SNX3: variants seen among roughly 807,000 people sequenced by gnomAD.
SNX3 encodes sorting nexin 3.
In SNX3, 5 loss-of-function variants were observed where a neutral mutation model predicts 17.7. The observed-to-expected ratio is 0.28, with a 90% CI of 0.15 to 0.59. The LOEUF (loss-of-function observed/expected upper bound fraction) is 0.59, where lower values mean the gene tolerates loss of function less well. Among genes scored for constraint, SNX3 ranks in the 20% least tolerant of loss-of-function variants. The pLI, the probability that SNX3 is intolerant of heterozygous loss-of-function variation, is 0.88. For synonymous variants in SNX3, 91 were observed against 76.5 expected (o/e 1.19, Z -0.99); for missense variants, 132 against 206.8 (o/e 0.64, Z 2.22).
chr6:108,259,977 A>G (rs183324749), intron 1 of SNX3, among the ~76,000 whole-genome samples: 4 of 152,254 alleles, frequency 2.6e-5, no homozygotes, highest in African/African-American at 9.6e-5. Flanking sequence ...TTCAATTAAC[A>G]TCTTTCAAAT....
At position 108,212,197 on chromosome 6, in the gene SNX3, A is replaced by T. The variant is rs1329747778; in HGVS notation, c.441T>A (p.Asp147Glu). The T allele has an allele frequency of 1.9e-6, 3 of 1,611,076 alleles. No individual in the cohort carries two copies. The East Asian group carries it at 6.7e-5, about 36-fold the overall frequency. ...GAGTATAGCTTTTATCTATTATTTC[A>T]TCTTGTAAAAACATGTGAAGACAAC... ...NERCLHMFLQ[D>E]EIIDKSYTPS... Residue 147 changes from aspartate (D) to glutamate (E), a missense_variant, in exon 4 of 4, where the codon GAT becomes GAA. Around this residue, in one of 2 missense-constraint regions of SNX3, gnomAD observed 54 missense variants for 118.0 expected, o/e 0.46. Transcript: ENST00000230085.
At chr6:108,240,214 G>C (rs1307227018) in intron 1 of SNX3, among the ~76,000 whole-genome samples, 5 of 151,886 alleles carry the variant, frequency 3.3e-5, no homozygotes, top group African/African-American at 9.7e-5. Context: ...CTGTGTGTGG[G>C]TTTGTTTTTG....
intron 2 of SNX3, among the ~76,000 whole-genome samples, chr6:108,220,917 G>A (rs1354190980): frequency 1.3e-5 from 2 of 151,872 alleles, no homozygotes; most frequent in Non-Finnish European, 2.9e-5. Context: ...GGAGATGGAG[G>A]TTGCAGTGAG....
chr6:108,227,165 A>G (rs1470692622), intron 1 of SNX3, among the ~76,000 whole-genome samples: 1 of 152,226 alleles, frequency 6.6e-6, no homozygotes, highest in Non-Finnish European at 1.5e-5. Flanking sequence ...CCGCATTAAA[A>G]TATTAAGTCT....
chr6:108,253,619 T>C (rs770038502), intron 1 of SNX3, among the ~76,000 whole-genome samples: 3 of 152,206 alleles, frequency 2.0e-5, no homozygotes, highest in Non-Finnish European at 4.4e-5. Flanking sequence ...TGTCACTGGT[T>C]TTCCTCTCTG....
intron 1 of SNX3, among the ~76,000 whole-genome samples, chr6:108,253,493 G>C (rs1029130993): frequency 1.3e-5 from 2 of 149,306 alleles, no homozygotes; most frequent in African/African-American, 2.5e-5. Flanking sequence ...GATCTGGCTT[G>C]ATTGAATGTA....
intron 1 of SNX3, among the ~76,000 whole-genome samples, chr6:108,253,393 C>CT (rs369223904): frequency 0.068 from 8,396 of 123,438 alleles, 386 homozygotes; most frequent in South Asian, 0.26. Context: ...ATACATATGT[C>CT]TTTTTTTTTT....
intron 1 of SNX3, among the ~76,000 whole-genome samples, chr6:108,233,910 T>C (rs534506037): frequency 3.3e-5 from 5 of 152,310 alleles, no homozygotes; most frequent in African/African-American, 9.6e-5. Context: ...GTAAAGTCAT[T>C]ATAAGTAAAA....
At chr6:108,219,418 C>T (rs556805581) in intron 2 of SNX3, among the ~76,000 whole-genome samples, 1 of 152,142 alleles carries the variant, frequency 6.6e-6, no homozygotes, top group Non-Finnish European at 1.5e-5. Context: ...CCAGCCTGGG[C>T]AACATAGTGA....
intron 1 of SNX3, among the ~76,000 whole-genome samples, chr6:108,233,466 T>C (rs1775230542): frequency 6.6e-6 from 1 of 152,160 alleles, no homozygotes; most frequent in African/African-American, 2.4e-5. Flanking sequence ...ATGCAACTGA[T>C]CTAGGGTGGA....
chr6:108,253,316 A>G (rs888013031), intron 1 of SNX3, among the ~76,000 whole-genome samples: 3 of 152,162 alleles, frequency 2.0e-5, no homozygotes, highest in African/African-American at 7.2e-5. Context: ...ACTTGAGCCC[A>G]GGAGTTCAAG....
chr6:108,224,278 C>CT (rs911091386), intron 1 of SNX3, among the ~76,000 whole-genome samples: 4 of 151,676 alleles, frequency 2.6e-5, no homozygotes, highest in Admixed American at 2.6e-4. Flanking sequence ...CACTTAACTA[C>CT]TTTTTTTGAT....
At chr6:108,228,754 T>C (rs1775048465) in intron 1 of SNX3, among the ~76,000 whole-genome samples, 1 of 151,984 alleles carries the variant, frequency 6.6e-6, no homozygotes, top group Non-Finnish European at 1.5e-5. Flanking sequence ...TAAATACACA[T>C]AACTTTTGAA....
At chr6:108,254,191 T>A (rs1414567941) in intron 1 of SNX3, among the ~76,000 whole-genome samples, 1 of 149,318 alleles carries the variant, frequency 6.7e-6, no homozygotes, top group African/African-American at 2.5e-5. Context: ...AGAACCTGAA[T>A]GGTTTCAAAG....
intron 1 of SNX3, among the ~76,000 whole-genome samples, chr6:108,259,286 T>C (rs1429480589): frequency 1.3e-5 from 2 of 152,172 alleles, no homozygotes; most frequent in Non-Finnish European, 2.9e-5. Flanking sequence ...CAGGCTGGAG[T>C]GCAATGGCCC....
At chr6:108,216,236 C>T (rs186874155) in intron 2 of SNX3, among the ~76,000 whole-genome samples, 10 of 152,274 alleles carry the variant, frequency 6.6e-5, no homozygotes, top group African/African-American at 9.6e-5. Context: ...CGTGCTACCA[C>T]GCCTGGCTAA....
In SNX3 at chr6:108,230,660, G is replaced by A. The variant is rs191841193; in HGVS notation, c.163-7615C>T. 3.1e-3 allele frequency among the ~76,000 whole-genome samples: 466 copies of A among 152,258 alleles called. 3 individuals carry two copies. The highest frequency in any genetic ancestry group is 9.9e-3 in the South Asian group (48 of 4,832). ...TTTGTTCATGGAGTTCAAAAGTTCT[G>A]CAAATCACGTTTCATCATAAATCTG... On this transcript the variant is annotated intron_variant, in intron 1 of 3. Coordinates refer to ENST00000230085, the MANE Select transcript of SNX3 (RefSeq NM_003795.6).
chr6:108,247,209 C>T (rs540994163), intron 1 of SNX3, among the ~76,000 whole-genome samples: 38 of 152,222 alleles, frequency 2.5e-4, no homozygotes, highest in African/African-American at 8.7e-4. Flanking sequence ...TTTCCTGAGG[C>T]CTCCCCAGCT....
At chr6:108,247,703 A>G (rs1359273078) in intron 1 of SNX3, among the ~76,000 whole-genome samples, 1 of 152,138 alleles carries the variant, frequency 6.6e-6, no homozygotes, top group African/African-American at 2.4e-5. Flanking sequence ...TTAACTGGAA[A>G]TAAGAGTAAT....
Sources: allele counts gnomAD v4.1 joint callset (sites outside exome capture counted in the v4.1 genomes callset), GRCh38; gene constraint gnomAD v4.1.1; regional missense constraint gnomAD v4.1.1; transcripts MANE v1.5; gene names NCBI Gene and HGNC (gene_info 2026-07-23, HGNC 2026-07-21).